ADK: variants seen among roughly 807,000 people sequenced by gnomAD.
The protein encoded by ADK is N6,N6-dimethyladenosine kinase.
A neutral mutation model predicts 44.7 loss-of-function variants in ADK; 24 were observed. That is an observed-to-expected ratio of 0.54 (90% CI 0.39 to 0.76). The LOEUF is 0.76. ADK is among the 30% of genes least tolerant of loss of function. The probability of loss-of-function intolerance (pLI) is 0.00; values close to 1 mark genes in which losing one functional copy is unlikely to be tolerated. For synonymous variants in ADK, 128 were observed against 142.6 expected (o/e 0.90, Z 0.73); for missense variants, 321 against 425.1 (o/e 0.76, Z 2.15).
At chr10:74,495,734 G>T (rs1847661750) in intron 6 of ADK, among the ~76,000 whole-genome samples, 1 of 152,078 alleles carries the variant, frequency 6.6e-6, no homozygotes, top group Non-Finnish European at 1.5e-5. Flanking sequence ...CCATTATTCT[G>T]CAGAGGTAGG....
At chr10:74,651,167 G>A (rs540531017) in intron 9 of ADK, among the ~76,000 whole-genome samples, 30 of 152,098 alleles carry the variant, frequency 2.0e-4, no homozygotes, top group Admixed American at 9.8e-4. Context: ...CCAAAATTCG[G>A]TATGGTATTG....
At chr10:74,508,030 TTATTC>T (rs1848150415) in intron 6 of ADK, among the ~76,000 whole-genome samples, 1 of 152,132 alleles carries the variant, frequency 6.6e-6, no homozygotes, top group Non-Finnish European at 1.5e-5. Flanking sequence ...GAGAAGCAAA[TTATTC>T]TATATGACTG....
chr10:74,327,261 T>A (rs1841053721), intron 4 of ADK, among the ~76,000 whole-genome samples: 2 of 152,228 alleles, frequency 1.3e-5, no homozygotes, highest in African/African-American at 4.8e-5. Flanking sequence ...TCTCTTTAAT[T>A]TTTTCATTGA....
At chr10:74,248,565 A>AG (rs1174736437) in intron 3 of ADK, among the ~76,000 whole-genome samples, 2 of 152,160 alleles carry the variant, frequency 1.3e-5, no homozygotes, top group African/African-American at 4.8e-5. Context: ...CATGTTGGCC[A>AG]GGGTGGTCTT....
intron 3 of ADK, among the ~76,000 whole-genome samples, chr10:74,269,143 T>A (rs1227466743): frequency 1.3e-5 from 2 of 152,144 alleles, no homozygotes; most frequent in Admixed American, 6.5e-5. Context: ...TTTATCATAA[T>A]TTTTTTCCCC....
At chr10:74,475,073 C>T (rs760883584) in intron 6 of ADK, among the ~76,000 whole-genome samples, 4 of 151,818 alleles carry the variant, frequency 2.6e-5, no homozygotes, top group Non-Finnish European at 4.4e-5. Context: ...TTCAGTGAGC[C>T]GAGTTCACGC....
At chr10:74,593,705 A>G (rs1407806094) in intron 8 of ADK, among the ~76,000 whole-genome samples, 1 of 152,144 alleles carries the variant, frequency 6.6e-6, no homozygotes, top group Non-Finnish European at 1.5e-5. Flanking sequence ...ACAAAACAAA[A>G]TGGTATGGCT....
intron 7 of ADK, among the ~76,000 whole-genome samples, chr10:74,556,102 A>G (rs1850234810): frequency 6.6e-6 from 1 of 152,220 alleles, no homozygotes; most frequent in African/African-American, 2.4e-5. Flanking sequence ...TAAATAGTAG[A>G]TTTTTATTCT....
At chr10:74,613,743 A>G (rs1408235907) in intron 9 of ADK, among the ~76,000 whole-genome samples, 1 of 152,182 alleles carries the variant, frequency 6.6e-6, no homozygotes, top group African/African-American at 2.4e-5. Context: ...AATGTGCGTT[A>G]GAAAATGCAA....
chr10:74,356,014 T>TGTTTG (rs757573274), intron 4 of ADK, among the ~76,000 whole-genome samples: 12 of 128,214 alleles, frequency 9.4e-5, no homozygotes, highest in Non-Finnish European at 1.2e-4. Flanking sequence ...TTTTTTTTTT[T>TGTTTG]TTTTTTTTTT....
At chr10:74,505,466 C>G (rs1019912209) in intron 6 of ADK, among the ~76,000 whole-genome samples, 13 of 151,564 alleles carry the variant, frequency 8.6e-5, no homozygotes, top group African/African-American at 3.1e-4. Context: ...TGTCTGTTAG[C>G]TCTTGAATTA....
chr10:74,579,267 C>T (rs1367297235), intron 7 of ADK, among the ~76,000 whole-genome samples: 1 of 151,172 alleles, frequency 6.6e-6, no homozygotes, highest in Non-Finnish European at 1.5e-5. Flanking sequence ...CAAGGTAAGA[C>T]ACATTTAATA....
intron 7 of ADK, among the ~76,000 whole-genome samples, chr10:74,566,768 G>A (rs1850683105): frequency 6.6e-6 from 1 of 152,162 alleles, no homozygotes; most frequent in Admixed American, 6.6e-5. Context: ...GAGGAGAAAA[G>A]TTAATTGAAT....
intron 3 of ADK, among the ~76,000 whole-genome samples, chr10:74,295,670 C>CT (rs1839786476): frequency 6.6e-6 from 1 of 150,474 alleles, no homozygotes. Flanking sequence ...ATTGGTTTTA[C>CT]TTCTATTGGT....
intron 7 of ADK, among the ~76,000 whole-genome samples, chr10:74,564,256 T>C (rs1374379886): frequency 2.6e-5 from 4 of 152,106 alleles, no homozygotes; most frequent in African/African-American, 9.7e-5. Flanking sequence ...GAAAGACGAT[T>C]TAAGTTAAAT....
chr10:74,689,389 A>G (rs1855904950), intron 10 of ADK, among the ~76,000 whole-genome samples: 2 of 152,190 alleles, frequency 1.3e-5, no homozygotes, highest in Non-Finnish European at 1.5e-5. Context: ...ATTTATTCTC[A>G]AGATCATAAT....
At chr10:74,577,221 T>C (rs1326493182) in intron 7 of ADK, among the ~76,000 whole-genome samples, 3 of 151,894 alleles carry the variant, frequency 2.0e-5, no homozygotes, top group Non-Finnish European at 4.4e-5. Flanking sequence ...GACTTCTTTG[T>C]AGATGTGGGG....
At chr10:74,551,346 G>A (rs1228952844) in intron 7 of ADK, 1 of 152,216 alleles carries the variant, frequency 6.6e-6, no homozygotes, top group Non-Finnish European at 1.5e-5. Context: ...GTTAGGCAAA[G>A]CTTTCTTACA....
chr10:74,680,586 T>C (rs1408312958), intron 10 of ADK, among the ~76,000 whole-genome samples: 1 of 152,086 alleles, frequency 6.6e-6, no homozygotes, highest in Non-Finnish European at 1.5e-5. Flanking sequence ...TTTAAATAAA[T>C]AAAATCACAT....
Sources: allele counts gnomAD v4.1 joint callset (sites outside exome capture counted in the v4.1 genomes callset), GRCh38; gene constraint gnomAD v4.1.1; transcripts MANE v1.5; gene names NCBI Gene and HGNC (gene_info 2026-07-23, HGNC 2026-07-21).